The following PRKCH variants were observed in gnomAD, a reference collection of about 807,000 sequenced individuals.
PRKCH encodes the protein protein kinase C eta.
In PRKCH, 28 loss-of-function variants were observed where a neutral mutation model predicts 82.5. The ratio of observed to expected loss-of-function variants is 0.34; its 90% CI spans 0.25 to 0.47. The LOEUF is 0.47. PRKCH is among the 20% of genes least tolerant of loss of function. PRKCH has a pLI of 1.00. For synonymous variants in PRKCH, 322 were observed against 327.4 expected, an observed-to-expected ratio of 0.98 and a Z score of 0.18; for missense variants, 705 against 881.8, an observed-to-expected ratio of 0.80 and a Z score of 2.54.
At chr14:61,484,057 A>G (rs531991466) in intron 9 of PRKCH, among the ~76,000 whole-genome samples, 3 of 152,232 alleles carry the variant, frequency 2.0e-5, no homozygotes, top group African/African-American at 7.2e-5. Flanking sequence ...AAATAATGAT[A>G]GGTTCTGTGT....
chr14:61,276,258 A>G (rs1269807890), intron 1 of PRKCH, among the ~76,000 whole-genome samples: 1 of 152,186 alleles, frequency 6.6e-6, no homozygotes, highest in Non-Finnish European at 1.5e-5. Flanking sequence ...TTTAAAAAGA[A>G]TGCCATCTAA....
intron 11 of PRKCH, among the ~76,000 whole-genome samples, chr14:61,530,101 C>A (rs2043025997): frequency 6.6e-6 from 1 of 152,112 alleles, no homozygotes; most frequent in South Asian, 2.1e-4. Context: ...GTGAGTGAAC[C>A]CAGTCCCCTT....
At chr14:61,288,238 G>A (rs183691295) in intron 1 of PRKCH, among the ~76,000 whole-genome samples, 8 of 151,404 alleles carry the variant, frequency 5.3e-5, no homozygotes, top group Non-Finnish European at 7.4e-5. Context: ...CAGAACCACC[G>A]GAAAAAAAAC....
intron 9 of PRKCH, among the ~76,000 whole-genome samples, chr14:61,467,475 C>T (rs748476094): frequency 1.3e-5 from 2 of 152,158 alleles, no homozygotes; most frequent in African/African-American, 2.4e-5. Context: ...CCCTGCCAGC[C>T]GCTGGATGTG....
intron 2 of PRKCH, among the ~76,000 whole-genome samples, chr14:61,417,482 A>C (rs1882621974): frequency 6.6e-6 from 1 of 152,216 alleles, no homozygotes; most frequent in African/African-American, 2.4e-5. Context: ...AATTTCCCAG[A>C]GCCTCACCTA....
At chr14:61,422,987 G>A (rs938814659) in intron 2 of PRKCH, among the ~76,000 whole-genome samples, 7 of 152,026 alleles carry the variant, frequency 4.6e-5, no homozygotes, top group Admixed American at 2.6e-4. Flanking sequence ...AAGAATGTCC[G>A]GTATAAATTT....
chr14:61,215,903 T>C (rs1274433176), intron 1 of PRKCH, among the ~76,000 whole-genome samples: 8 of 152,328 alleles, frequency 5.3e-5, no homozygotes, highest in African/African-American at 1.9e-4. Flanking sequence ...CTTGTGCCAG[T>C]CGCAGAATTG....
chr14:61,443,345 A>C (rs1448998770), intron 3 of PRKCH, 84 bp downstream of exon 3: 9 of 1,314,158 alleles, frequency 6.8e-6, no homozygotes, highest in African/African-American at 1.5e-5. Context: ...AGCAGAATGC[A>C]TGATTATTTA....
rs41304373 is a variant in PRKCH at position 61,547,762 on chromosome 14, C to A, written c.1781C>A (p.Thr594Asn). 3 of 1,614,092 alleles carry A rather than the reference C, an allele frequency of 1.9e-6. No homozygotes were observed. The highest frequency in any genetic ancestry group is 2.5e-6 in the Non-Finnish European group (3 of 1,179,988). Reference sequence around the variant, plus strand: ...ACTCAGTTCATGACCAAGAACCCCACCATGCGCTTGGGCAGCCTGACTCAG... The same window carrying A: ...ACTCAGTTCATGACCAAGAACCCCAACATGCGCTTGGGCAGCCTGACTCAG... ...ILKSFMTKNP[T>N]MRLGSLTQGG... The change falls in exon 13 of 14, where the codon ACC (threonine) becomes AAC (asparagine). Residue 594 changes from threonine (T) to asparagine (N), a missense_variant. Transcript: ENST00000332981.
chr14:61,285,341 A>G (rs561491752), intron 1 of PRKCH, among the ~76,000 whole-genome samples: 2 of 152,348 alleles, frequency 1.3e-5, no homozygotes, highest in East Asian at 1.9e-4. Flanking sequence ...TACTAGGAGA[A>G]TAGTATTGGA....
chr14:61,370,213 G>C (rs755915687), intron 1 of PRKCH, among the ~76,000 whole-genome samples: 2 of 152,116 alleles, frequency 1.3e-5, no homozygotes, highest in Non-Finnish European at 2.9e-5. Flanking sequence ...AAAGCGTTGG[G>C]ATTACAGGCG....
At chr14:61,515,313 A>C (rs1442376037) in intron 10 of PRKCH, among the ~76,000 whole-genome samples, 1 of 152,192 alleles carries the variant, frequency 6.6e-6, no homozygotes. Context: ...AAAGTTCTCC[A>C]GCCACTGTGG....
chr14:61,434,824 C>G (rs985117374), intron 2 of PRKCH, among the ~76,000 whole-genome samples: 2 of 152,124 alleles, frequency 1.3e-5, no homozygotes, highest in Admixed American at 6.5e-5. Context: ...AGTTTGAGAC[C>G]AGCCAGGGCA....
intron 2 of PRKCH, among the ~76,000 whole-genome samples, chr14:61,435,210 G>T (rs1156919009): frequency 1.3e-5 from 2 of 152,142 alleles, no homozygotes; most frequent in Admixed American, 1.3e-4. Flanking sequence ...TCCCTTTCCT[G>T]TCTCACTTCT....
Position 61,280,660 on chromosome 14 carries a change from C to A in PRKCH, c.-19+92992C>A, listed in dbSNP as rs751730010. The A allele has an allele frequency of 6.4e-7, 1 of 1,571,256 alleles. No homozygotes were observed. The highest frequency in any genetic ancestry group is 8.6e-7 in the Non-Finnish European group (1 of 1,159,626). ...GTTGAAGAGGCTGTTGGCGATGGCG[C>A]CGCAGGGCGCGATGGGCAGGCCGGC... On this transcript the variant is annotated intron_variant, in intron 1 of 3. Transcript: ENST00000555185. The surrounding 1 kb of genome is among the most constrained non-coding windows in gnomAD (Gnocchi z 5.0).
intron 1 of PRKCH, among the ~76,000 whole-genome samples, chr14:61,188,023 C>G (rs28715628): frequency 0.043 from 6,567 of 152,258 alleles, 381 homozygotes; most frequent in East Asian, 0.16. Flanking sequence ...CCCACTAACT[C>G]GCTGTATGAC....
At chr14:61,377,266 G>T (rs2046439143) in intron 1 of PRKCH, among the ~76,000 whole-genome samples, 1 of 152,230 alleles carries the variant, frequency 6.6e-6, no homozygotes, top group Middle Eastern at 3.4e-3. Context: ...TAGTGAATTT[G>T]CTTTTTCTTT....
rs758082502 is a variant in PRKCH, at chr14:61,547,868, G to A, written c.1887G>A (p.Pro629=). ...AGCTGAACCATCGCCAAATAGAACC[G>A]CCTTTCAGACCCAGAATCGTAAGTG... ...WAQLNHRQIE[P]PFRPRIKSRE... is the part of the protein sequence containing the mutation. The change falls in exon 13 of 14, where the codon CCG becomes CCA. Residue 629 remains proline (P), a synonymous_variant. Transcript: ENST00000332981. 1.9e-6 allele frequency: 3 copies of A among 1,613,690 alleles called. No homozygotes were observed. Among genetic ancestry groups the A allele is most frequent in the Non-Finnish European group, 2.5e-6 (3 of 1,179,764 alleles).
chr14:61,204,977 T>C (rs1360197002), intron 1 of PRKCH, among the ~76,000 whole-genome samples: 1 of 152,202 alleles, frequency 6.6e-6, no homozygotes, highest in African/African-American at 2.4e-5. Flanking sequence ...CCATACTATT[T>C]TATTTCTTAC....
Sources: allele counts gnomAD v4.1 joint callset (sites outside exome capture counted in the v4.1 genomes callset), GRCh38; gene constraint gnomAD v4.1.1; non-coding constraint Gnocchi (gnomAD v3.1); transcripts MANE v1.5; gene names NCBI Gene and HGNC (gene_info 2026-07-23, HGNC 2026-07-21).